The following COL25A1 variants were observed in gnomAD, a reference collection of about 807,000 sequenced individuals.
COL25A1 encodes the protein collagen alpha-1(XXV) chain.
A neutral mutation model predicts 128.4 loss-of-function variants in COL25A1; 103 were observed. That is an observed-to-expected ratio of 0.80 (90% CI 0.68 to 0.94). The LOEUF (loss-of-function observed/expected upper bound fraction) is 0.94. Ranked by LOEUF, COL25A1 falls within the 40% of genes least tolerant of loss-of-function variation. The pLI, the probability that COL25A1 is intolerant of heterozygous loss-of-function variation, is 0.00. For missense variants in COL25A1, 745 were observed against 840.0 expected, an observed-to-expected ratio of 0.89 and a Z score of 1.40; for synonymous variants, 279 against 277.2, an observed-to-expected ratio of 1.01 and a Z score of -0.06.
intron 3 of COL25A1, among the ~76,000 whole-genome samples, chr4:109,140,507 T>C (rs1470769143): frequency 6.6e-6 from 1 of 152,222 alleles, no homozygotes; most frequent in Non-Finnish European, 1.5e-5. Flanking sequence ...GCATTGAATC[T>C]ATAAATCACT....
chr4:108,938,345 A>C (rs1235609716), intron 10 of COL25A1, among the ~76,000 whole-genome samples: 2 of 152,186 alleles, frequency 1.3e-5, no homozygotes, highest in Non-Finnish European at 2.9e-5. Context: ...GGCTAAAAAT[A>C]TTTTTGTCTT....
intron 24 of COL25A1, among the ~76,000 whole-genome samples, chr4:108,859,355 T>G (rs1421422479): frequency 6.6e-6 from 1 of 152,102 alleles, no homozygotes; most frequent in Non-Finnish European, 1.5e-5. Flanking sequence ...CTTGCCACAT[T>G]CCCTCTGCAA....
intron 3 of COL25A1, among the ~76,000 whole-genome samples, chr4:109,159,278 A>G (rs1158135217): frequency 1.3e-5 from 2 of 151,940 alleles, no homozygotes; most frequent in Non-Finnish European, 2.9e-5. Flanking sequence ...TTACTGTCTC[A>G]GATAATTGAA....
At chr4:108,891,217 C>T (rs770809247) in intron 16 of COL25A1, among the ~76,000 whole-genome samples, 35 of 152,062 alleles carry the variant, frequency 2.3e-4, no homozygotes, top group Non-Finnish European at 4.6e-4. Flanking sequence ...GGGAAAAAAA[C>T]GCTTATGAAA....
At chr4:109,206,962 G>C (rs763690770) in intron 3 of COL25A1, among the ~76,000 whole-genome samples, 2 of 152,100 alleles carry the variant, frequency 1.3e-5, no homozygotes, top group Non-Finnish European at 1.5e-5. Flanking sequence ...CCTTCATTAC[G>C]TATAGAAATC....
At chr4:109,300,886 C>T (rs1004786727) in intron 2 of COL25A1, among the ~76,000 whole-genome samples, 12 of 152,182 alleles carry the variant, frequency 7.9e-5, no homozygotes, top group Admixed American at 5.9e-4. Context: ...TTTCTCCATT[C>T]TTCTCTACCA....
chr4:109,145,241 G>A (rs1175097842), intron 3 of COL25A1, among the ~76,000 whole-genome samples: 7 of 151,908 alleles, frequency 4.6e-5, no homozygotes, highest in Non-Finnish European at 1.0e-4. Flanking sequence ...CTAATTTATT[G>A]TATTTTTAGT....
intron 3 of COL25A1, among the ~76,000 whole-genome samples, chr4:109,145,515 C>A (rs1370143081): frequency 6.6e-6 from 1 of 152,136 alleles, no homozygotes; most frequent in Non-Finnish European, 1.5e-5. Context: ...TTGACAAGGT[C>A]AAATACTAAA....
intron 3 of COL25A1, among the ~76,000 whole-genome samples, chr4:109,275,595 C>T (rs1204920128): frequency 1.3e-5 from 2 of 152,252 alleles, no homozygotes; most frequent in African/African-American, 2.4e-5. Context: ...TGGCTGAGGG[C>T]TTCTGTCTTC....
chr4:108,947,172 G>A (rs570344746), intron 8 of COL25A1, among the ~76,000 whole-genome samples: 9 of 152,152 alleles, frequency 5.9e-5, no homozygotes, highest in African/African-American at 2.2e-4. Context: ...GGCTGGGCGC[G>A]GTGGCTCATG....
chr4:108,980,157 C>T (rs894518321), intron 6 of COL25A1, among the ~76,000 whole-genome samples: 2 of 152,096 alleles, frequency 1.3e-5, no homozygotes, highest in African/African-American at 2.4e-5. Context: ...ACAAGGAGTG[C>T]GGAGATGAAG....
At chr4:108,933,568 T>C (rs1241947841) in intron 11 of COL25A1, among the ~76,000 whole-genome samples, 1 of 152,204 alleles carries the variant, frequency 6.6e-6, no homozygotes, top group Non-Finnish European at 1.5e-5. Flanking sequence ...CAACTATTCT[T>C]AGCCCTTACA....
chr4:108,913,600 A>G (rs1294558334), intron 13 of COL25A1, among the ~76,000 whole-genome samples: 2 of 152,196 alleles, frequency 1.3e-5, no homozygotes, highest in South Asian at 2.1e-4. Context: ...TTGGGCACTA[A>G]CTGCTATTCA....
chr4:109,010,755 G>A (rs1344166748), intron 5 of COL25A1, among the ~76,000 whole-genome samples: 1 of 152,150 alleles, frequency 6.6e-6, no homozygotes, highest in Non-Finnish European at 1.5e-5. Flanking sequence ...GCTATTCAAA[G>A]CGCAGACTGT....
intron 19 of COL25A1, among the ~76,000 whole-genome samples, chr4:108,881,299 G>A (rs1740093428): frequency 6.6e-6 from 1 of 152,112 alleles, no homozygotes; most frequent in Non-Finnish European, 1.5e-5. Flanking sequence ...GCTGTGGAAG[G>A]CATGTGGATG....
intron 8 of COL25A1, among the ~76,000 whole-genome samples, chr4:108,973,833 C>T (rs1752157404): frequency 6.6e-6 from 1 of 151,558 alleles, no homozygotes; most frequent in African/African-American, 2.4e-5. Flanking sequence ...TCCCTCCTAC[C>T]TGCAATGCTA....
chr4:109,300,116 A>G (rs1393136073), intron 3 of COL25A1, among the ~76,000 whole-genome samples: 1 of 151,896 alleles, frequency 6.6e-6, no homozygotes, highest in Non-Finnish European at 1.5e-5. Context: ...TAGAACAGAA[A>G]CAGCAGGAAA....
At chr4:108,879,638 G>A (rs1372424361) in intron 19 of COL25A1, among the ~76,000 whole-genome samples, 2 of 152,002 alleles carry the variant, frequency 1.3e-5, no homozygotes, top group Non-Finnish European at 2.9e-5. Flanking sequence ...GTAGAGATGT[G>A]GTTTCACCAT....
At chr4:108,963,486 A>G (rs1012451706) in intron 8 of COL25A1, among the ~76,000 whole-genome samples, 5 of 152,130 alleles carry the variant, frequency 3.3e-5, no homozygotes, top group Non-Finnish European at 7.4e-5. Context: ...TACATTCTCT[A>G]TATAATATTG....
Sources: gnomAD v4.1 joint callset for allele counts (sites outside exome capture counted in the v4.1 genomes callset) on GRCh38, gnomAD v4.1.1 for gene constraint, MANE v1.5 for transcripts, NCBI Gene and HGNC (gene_info 2026-07-23, HGNC 2026-07-21) for gene names.